The following PDIA5 variants were observed in gnomAD, a reference collection of about 807,000 sequenced individuals.
The protein encoded by PDIA5 is protein disulfide-isomerase A5.
PDIA5 carries 58 observed loss-of-function variants against 77.6 expected under a neutral mutation model. The observed-to-expected ratio is 0.75, with a 90% confidence interval of 0.61 to 0.93. The LOEUF is 0.93. Ranked by LOEUF, PDIA5 falls within the 40% of genes least tolerant of loss-of-function variation. The pLI is 0.00. For synonymous variants in PDIA5, 250 were observed against 252.1 expected (o/e 0.99, Z 0.08); for missense variants, 630 against 647.7 (o/e 0.97, Z 0.30).
chr3:123,081,818 A>G (rs1348991729), intron 1 of PDIA5, among the ~76,000 whole-genome samples: 2 of 152,222 alleles, frequency 1.3e-5, no homozygotes, highest in Non-Finnish European at 1.5e-5. Context: ...CCCAGAGATG[A>G]GGAGCTTTTT....
At chr3:123,071,187 C>T (rs905808168) in intron 1 of PDIA5, among the ~76,000 whole-genome samples, 1 of 152,084 alleles carries the variant, frequency 6.6e-6, no homozygotes, top group African/African-American at 2.4e-5. Context: ...ACTGATCTAA[C>T]TCAGCCTTCT....
At chr3:123,097,221 CT>C (rs966032719) in intron 3 of PDIA5, among the ~76,000 whole-genome samples, 3 of 152,338 alleles carry the variant, frequency 2.0e-5, no homozygotes, top group African/African-American at 7.2e-5. Flanking sequence ...GTAAAACAGA[CT>C]CCCAGAAGAA....
intron 5 of PDIA5, among the ~76,000 whole-genome samples, chr3:123,105,739 GCA>G (rs3080448): frequency 0.77 from 116,054 of 149,848 alleles, 46,017 homozygotes; most frequent in Middle Eastern, 0.89. Context: ...CCACACACAC[GCA>G]CACACACACA....
chr3:123,106,445 A>G (rs116068717), intron 5 of PDIA5, among the ~76,000 whole-genome samples: 3,511 of 152,284 alleles, frequency 0.023, 61 homozygotes, highest in Middle Eastern at 0.051. Flanking sequence ...CATTGTCTCA[A>G]ATTTTCTCTT....
intron 11 of PDIA5, among the ~76,000 whole-genome samples, chr3:123,138,432 T>C (rs1441413752): frequency 6.6e-6 from 1 of 152,192 alleles, no homozygotes; most frequent in Non-Finnish European, 1.5e-5. Context: ...ATCATAATGT[T>C]GAAGGTTTGA....
intron 7 of PDIA5, among the ~76,000 whole-genome samples, chr3:123,115,472 G>A (rs1001012115): frequency 3.3e-5 from 5 of 152,134 alleles, no homozygotes; most frequent in Non-Finnish European, 5.9e-5. Context: ...AGCCCCGGAG[G>A]GCTGAGCCAA....
At chr3:123,088,575 G>A (rs1463770127) in intron 1 of PDIA5, among the ~76,000 whole-genome samples, 1 of 152,166 alleles carries the variant, frequency 6.6e-6, no homozygotes, top group Non-Finnish European at 1.5e-5. Flanking sequence ...GGGGGCTCTC[G>A]ACTGATGTGT....
intron 3 of PDIA5, among the ~76,000 whole-genome samples, chr3:123,094,852 C>T (rs564230308): frequency 2.6e-5 from 4 of 152,254 alleles, no homozygotes; most frequent in African/African-American, 7.2e-5. Context: ...TCCCTGCCCA[C>T]GAAGGGTTGG....
intron 14 of PDIA5, among the ~76,000 whole-genome samples, chr3:123,151,012 A>C: frequency 6.6e-6 from 1 of 152,186 alleles, no homozygotes. Flanking sequence ...AGCTCAGCTT[A>C]ATGGAGTGAG....
At chr3:123,068,373 G>T (rs369617955) in intron 1 of PDIA5, among the ~76,000 whole-genome samples, 51 of 152,328 alleles carry the variant, frequency 3.3e-4, no homozygotes, top group Admixed American at 1.9e-3. Flanking sequence ...TCTCTGGTTG[G>T]AAGTGGGTGG....
chr3:123,096,117 CCTT>C (rs1229747372), intron 3 of PDIA5, among the ~76,000 whole-genome samples: 1 of 152,090 alleles, frequency 6.6e-6, no homozygotes, highest in Non-Finnish European at 1.5e-5. Flanking sequence ...TCTCCTGTCT[CCTT>C]CTTTTCTCTC....
chr3:123,068,879 AC>A (rs927695066), intron 1 of PDIA5, among the ~76,000 whole-genome samples: 1 of 152,150 alleles, frequency 6.6e-6, no homozygotes, highest in Non-Finnish European at 1.5e-5. Flanking sequence ...CCGGAGCCAT[AC>A]GTTGATTTAA....
At chr3:123,137,228 C>T (rs1452828196) in intron 11 of PDIA5, among the ~76,000 whole-genome samples, 1 of 152,216 alleles carries the variant, frequency 6.6e-6, no homozygotes, top group Non-Finnish European at 1.5e-5. Context: ...CTAAGCTCGG[C>T]AAAACAGCAA....
intron 14 of PDIA5, 89 bp downstream of exon 14, chr3:123,150,453 C>A: frequency 3.0e-6 from 4 of 1,312,642 alleles, no homozygotes; most frequent in South Asian, 2.9e-5. Flanking sequence ...CCCCAGGGAC[C>A]AAGGCAGCCG....
chr3:123,081,783 A>G (rs1382661248), intron 1 of PDIA5, among the ~76,000 whole-genome samples: 2 of 152,330 alleles, frequency 1.3e-5, no homozygotes, highest in East Asian at 3.9e-4. Flanking sequence ...CTAGTTACAG[A>G]GAATGCGAGG....
intron 5 of PDIA5, among the ~76,000 whole-genome samples, chr3:123,103,355 C>T (rs1464757669): frequency 6.6e-6 from 1 of 152,210 alleles, no homozygotes; most frequent in Non-Finnish European, 1.5e-5. Flanking sequence ...AGCCCTTAGT[C>T]CTCCTGAACT....
intron 7 of PDIA5, among the ~76,000 whole-genome samples, chr3:123,114,115 T>C (rs1934935968): frequency 1.3e-5 from 2 of 152,184 alleles, no homozygotes; most frequent in Non-Finnish European, 2.9e-5. Flanking sequence ...GGCCGACTTA[T>C]CCTCTGTTTC....
intron 10 of PDIA5, among the ~76,000 whole-genome samples, chr3:123,128,743 G>C (rs886316468): frequency 1.3e-5 from 2 of 152,046 alleles, no homozygotes; most frequent in East Asian, 3.9e-4. Flanking sequence ...AAATTTTAAG[G>C]TGCTTAAAAA....
chr3:123,117,374 T>TTATATATATATA (rs370968904), intron 8 of PDIA5, among the ~76,000 whole-genome samples: 7,366 of 79,624 alleles, frequency 0.093, 729 homozygotes, highest in East Asian at 0.21. Context: ...TTCTATGATT[T>TTATATATATATA]TATATATATA....
Sources: gnomAD v4.1 joint callset for allele counts (sites outside exome capture counted in the v4.1 genomes callset) on GRCh38, gnomAD v4.1.1 for gene constraint, MANE v1.5 for transcripts, NCBI Gene and HGNC (gene_info 2026-07-23, HGNC 2026-07-21) for gene names.